The following COP1 variants were observed in gnomAD, a reference collection of about 807,000 sequenced individuals.
COP1 encodes the protein COP1 E3 ubiquitin ligase.
A neutral mutation model predicts 101.3 loss-of-function variants in COP1; 24 were observed. That is an observed-to-expected ratio of 0.24 (90% CI 0.17 to 0.33). COP1 has a LOEUF of 0.33. COP1 is among the 10% of genes least tolerant of loss of function. The probability of loss-of-function intolerance (pLI) is 1.00; values close to 1 mark genes in which losing one functional copy is unlikely to be tolerated. For missense variants in COP1, 663 were observed against 906.2 expected (o/e 0.73, Z 3.45); for synonymous variants, 347 against 341.9 (o/e 1.01, Z -0.17).
chr1:176,184,793 CA>C, intron 1 of COP1, 101 bp from the exon 2 acceptor site: 1 of 771,234 alleles, frequency 1.3e-6, no homozygotes, highest in Non-Finnish European at 2.2e-6. Flanking sequence ...TTTCAATATA[CA>C]GTTTAGAGCT....
intron 15 of COP1, among the ~76,000 whole-genome samples, chr1:176,022,298 T>C (rs537030568): frequency 1.1e-4 from 16 of 152,314 alleles, no homozygotes; most frequent in African/African-American, 3.8e-4. Flanking sequence ...ACTTCCCTGG[T>C]AGGATCCACA....
chr1:175,997,531 T>G (rs1660478907), intron 15 of COP1, among the ~76,000 whole-genome samples: 1 of 151,788 alleles, frequency 6.6e-6, no homozygotes, highest in Non-Finnish European at 1.5e-5. Flanking sequence ...GAATCTACAA[T>G]GAACTCAAAC....
intron 11 of COP1, among the ~76,000 whole-genome samples, chr1:176,061,092 G>C (rs1489057517): frequency 6.6e-6 from 1 of 152,096 alleles, no homozygotes; most frequent in Non-Finnish European, 1.5e-5. Context: ...TGACAGTATG[G>C]TACTGGCCTA....
intron 11 of COP1, among the ~76,000 whole-genome samples, chr1:176,077,184 T>C (rs1414357150): frequency 6.6e-6 from 1 of 152,068 alleles, no homozygotes; most frequent in Non-Finnish European, 1.5e-5. Flanking sequence ...AAGAAAACTT[T>C]GGGCAAATAT....
intron 15 of COP1, among the ~76,000 whole-genome samples, chr1:175,992,580 G>C (rs1399265302): frequency 3.9e-5 from 6 of 152,176 alleles, no homozygotes; most frequent in Non-Finnish European, 8.8e-5. Flanking sequence ...AAAAATGGCG[G>C]ACCAGGAGAT....
chr1:175,983,293 T>C (rs1483340341), intron 18 of COP1, among the ~76,000 whole-genome samples: 1 of 152,184 alleles, frequency 6.6e-6, no homozygotes, highest in Non-Finnish European at 1.5e-5. Context: ...GGTAAATGAC[T>C]CATGGGGGCA....
chr1:176,113,591 G>A (rs548682152), intron 9 of COP1, among the ~76,000 whole-genome samples: 4 of 151,914 alleles, frequency 2.6e-5, no homozygotes, highest in Non-Finnish European at 4.4e-5. Context: ...ACCTTTTCTT[G>A]TTCCCCTATA....
intron 9 of COP1, among the ~76,000 whole-genome samples, chr1:176,113,141 T>C (rs992322157): frequency 2.6e-5 from 4 of 152,182 alleles, no homozygotes; most frequent in Non-Finnish European, 1.5e-5. Context: ...TTTTTCATAA[T>C]GGCTGTACGA....
At chr1:176,166,046 T>G (rs751623144) in intron 3 of COP1, among the ~76,000 whole-genome samples, 1 of 152,232 alleles carries the variant, frequency 6.6e-6, no homozygotes, top group Non-Finnish European at 1.5e-5. Context: ...TATATTTGAT[T>G]CTCAATAACA....
At chr1:176,147,822 T>C (rs558933535) in intron 6 of COP1, among the ~76,000 whole-genome samples, 1 of 152,328 alleles carries the variant, frequency 6.6e-6, no homozygotes, top group South Asian at 2.1e-4. Context: ...GAATTCTCCA[T>C]TATCTCTCCA....
chr1:176,045,036 G>A (rs1366529529), intron 12 of COP1, among the ~76,000 whole-genome samples: 6 of 152,106 alleles, frequency 3.9e-5, no homozygotes, highest in Admixed American at 3.9e-4. Context: ...TAAGGAGCAG[G>A]AAATGTTTAA....
intron 8 of COP1, among the ~76,000 whole-genome samples, chr1:176,117,946 T>G (rs1351760375): frequency 6.6e-6 from 1 of 152,094 alleles, no homozygotes; most frequent in African/African-American, 2.4e-5. Context: ...TTTATATTCT[T>G]TCTACCCTAT....
intron 15 of COP1, among the ~76,000 whole-genome samples, chr1:175,993,982 G>T (rs917879962): frequency 6.6e-6 from 1 of 152,118 alleles, no homozygotes; most frequent in Non-Finnish European, 1.5e-5. Flanking sequence ...AAATGTTAAG[G>T]GCAGCCAGAG....
chr1:176,040,240 TTC>T (rs1431054912), intron 14 of COP1, among the ~76,000 whole-genome samples: 4 of 152,074 alleles, frequency 2.6e-5, no homozygotes, highest in African/African-American at 9.7e-5. Context: ...TTGCTCTTTC[TTC>T]TCTCTCTTCC....
At chr1:176,106,577 T>C (rs1684348429) in intron 9 of COP1, among the ~76,000 whole-genome samples, 2 of 152,282 alleles carry the variant, frequency 1.3e-5, no homozygotes, top group East Asian at 3.9e-4. Flanking sequence ...CCAGATTGAT[T>C]AACTGGCCCA....
intron 11 of COP1, among the ~76,000 whole-genome samples, chr1:176,060,994 C>G (rs1052482280): frequency 6.6e-6 from 1 of 152,196 alleles, no homozygotes; most frequent in African/African-American, 2.4e-5. Flanking sequence ...GGGACTTATA[C>G]TAGCCAGTAT....
chr1:176,205,277 T>G (rs2102322526), intron 1 of COP1, among the ~76,000 whole-genome samples: 1 of 152,342 alleles, frequency 6.6e-6, no homozygotes, highest in South Asian at 2.1e-4. Context: ...ATAAACTGCT[T>G]ATTTATAAAT....
At chr1:176,076,030 G>A (rs956895823) in intron 11 of COP1, among the ~76,000 whole-genome samples, 4 of 147,556 alleles carry the variant, frequency 2.7e-5, no homozygotes, top group Non-Finnish European at 6.0e-5. Context: ...AAAATAGTAG[G>A]GGACTTCAAT....
chr1:176,143,901 C>A (rs976689075), intron 6 of COP1, among the ~76,000 whole-genome samples: 1 of 152,074 alleles, frequency 6.6e-6, no homozygotes, highest in African/African-American at 2.4e-5. Context: ...GACTACTCAA[C>A]CCCACTCAGA....
Sources: gnomAD v4.1 joint callset for allele counts (sites outside exome capture counted in the v4.1 genomes callset) on GRCh38, gnomAD v4.1.1 for gene constraint, MANE v1.5 for transcripts, NCBI Gene and HGNC (gene_info 2026-07-23, HGNC 2026-07-21) for gene names.